Variants in CA10 observed in about 807,000 individuals in gnomAD.
CA10 encodes carbonic anhydrase 10 (inactive), also known as carbonic anhydrase-related protein 10.
A neutral mutation model predicts 44.2 loss-of-function variants in CA10; 14 were observed. That is an observed-to-expected ratio of 0.32 (90% CI 0.21 to 0.50). CA10 has a LOEUF of 0.50. Ranked by LOEUF, CA10 falls within the 20% of genes least tolerant of loss-of-function variation. CA10 has a pLI of 0.99. For missense variants in CA10, 350 were observed against 409.7 expected, an observed-to-expected ratio of 0.85 and a Z score of 1.26; for synonymous variants, 159 against 141.6, an observed-to-expected ratio of 1.12 and a Z score of -0.87.
At chr17:51,900,010 T>G (rs1981242483) in intron 3 of CA10, among the ~76,000 whole-genome samples, 1 of 151,978 alleles carries the variant, frequency 6.6e-6, no homozygotes, top group Non-Finnish European at 1.5e-5. Context: ...CTGTGCCTTT[T>G]AATTGGAACA....
At chr17:52,092,909 C>A (rs902136645) in intron 1 of CA10, among the ~76,000 whole-genome samples, 5 of 152,070 alleles carry the variant, frequency 3.3e-5, no homozygotes, top group African/African-American at 1.2e-4. Context: ...AATAATTTGT[C>A]TATGTAAGTC....
intron 2 of CA10, among the ~76,000 whole-genome samples, chr17:51,981,813 A>C (rs1425107642): frequency 6.6e-6 from 1 of 152,094 alleles, no homozygotes; most frequent in Non-Finnish European, 1.5e-5. Flanking sequence ...AGATTTTGAC[A>C]GTACTGAAAT....
chr17:51,718,459 G>A (rs1284915347), intron 4 of CA10, among the ~76,000 whole-genome samples: 1 of 152,136 alleles, frequency 6.6e-6, no homozygotes, highest in Non-Finnish European at 1.5e-5. Context: ...AGAGGTTCCT[G>A]GAAGGCAGTG....
At chr17:52,057,214 T>C (rs975592053) in intron 2 of CA10, among the ~76,000 whole-genome samples, 3 of 152,040 alleles carry the variant, frequency 2.0e-5, no homozygotes, top group African/African-American at 7.2e-5. Flanking sequence ...TATACACAGA[T>C]TATTTTCAAT....
intron 4 of CA10, among the ~76,000 whole-genome samples, chr17:51,693,483 C>T (rs533778152): frequency 6.6e-6 from 1 of 152,222 alleles, no homozygotes; most frequent in East Asian, 1.9e-4. Context: ...CAGCTTTTCA[C>T]CCCCTATCCA....
At chr17:51,763,624 CTCGATGAGGTGAT>C (rs1238561015) in intron 3 of CA10, among the ~76,000 whole-genome samples, 1 of 152,200 alleles carries the variant, frequency 6.6e-6, no homozygotes, top group Admixed American at 6.5e-5. Context: ...CAGATTTCCA[CTCGATGAGGTGAT>C]TTCATGGTGC....
chr17:52,086,951 G>C (rs930542476), intron 1 of CA10, among the ~76,000 whole-genome samples: 1 of 152,086 alleles, frequency 6.6e-6, no homozygotes. Context: ...CCCATATTTT[G>C]TCTTGTGTGT....
intron 2 of CA10, among the ~76,000 whole-genome samples, chr17:52,033,730 T>A (rs1055461418): frequency 1.2e-4 from 18 of 152,208 alleles, no homozygotes; most frequent in Non-Finnish European, 2.9e-5. Flanking sequence ...AACTGTTTAA[T>A]GTATACATTA....
intron 2 of CA10, among the ~76,000 whole-genome samples, chr17:52,031,491 C>T (rs72834295): frequency 6.6e-6 from 1 of 152,142 alleles, no homozygotes; most frequent in Admixed American, 6.5e-5. Context: ...AACACATTTA[C>T]TTAACTGCAC....
chr17:51,922,992 C>T (rs1346454223), intron 3 of CA10, among the ~76,000 whole-genome samples: 1 of 152,168 alleles, frequency 6.6e-6, no homozygotes. Context: ...AGGAATTTGT[C>T]TAACCACAAA....
At chr17:52,126,015 G>A (rs1156555197) in intron 1 of CA10, among the ~76,000 whole-genome samples, 1 of 152,040 alleles carries the variant, frequency 6.6e-6, no homozygotes, top group Non-Finnish European at 1.5e-5. Context: ...GGTGATGAAG[G>A]GAATAAGCAA....
intron 3 of CA10, among the ~76,000 whole-genome samples, chr17:51,874,580 G>A (rs994488105): frequency 3.2e-4 from 48 of 152,058 alleles, no homozygotes; most frequent in African/African-American, 1.1e-3. Context: ...AGAGCACCAG[G>A]TGACCTCATT....
At chr17:51,991,745 G>T (rs1027459053) in intron 2 of CA10, among the ~76,000 whole-genome samples, 1 of 152,132 alleles carries the variant, frequency 6.6e-6, no homozygotes, top group African/African-American at 2.4e-5. Context: ...GGAGGAGGAG[G>T]TTGGAGTGAG....
chr17:51,897,868 G>A (rs1208829665), intron 3 of CA10, among the ~76,000 whole-genome samples: 2 of 151,900 alleles, frequency 1.3e-5, no homozygotes, highest in Non-Finnish European at 1.5e-5. Flanking sequence ...TGTCAGCTTG[G>A]ATGTTATTGA....
intron 3 of CA10, among the ~76,000 whole-genome samples, chr17:51,857,547 A>G (rs1979103816): frequency 6.6e-6 from 1 of 152,208 alleles, no homozygotes; most frequent in African/African-American, 2.4e-5. Context: ...TGGTTCAGAT[A>G]ATGATGCTGG....
intron 4 of CA10, among the ~76,000 whole-genome samples, chr17:51,745,165 C>T (rs776390236): frequency 6.6e-6 from 1 of 152,116 alleles, no homozygotes; most frequent in Non-Finnish European, 1.5e-5. Context: ...TGCCTTCCCC[C>T]CTTTTTAGCA....
intron 3 of CA10, among the ~76,000 whole-genome samples, chr17:51,798,236 T>C (rs1331533800): frequency 1.3e-5 from 2 of 152,240 alleles, no homozygotes; most frequent in Admixed American, 6.5e-5. Flanking sequence ...TCCTTCCTTA[T>C]AGAAGCTCAG....
In CA10 at chr17:51,631,280, G is replaced by C. The variant is rs1415516065; in HGVS notation, c.*304C>G. 1 of 354,330 alleles carries C rather than the reference G, an allele frequency of 2.8e-6. No homozygotes were observed. Among genetic ancestry groups the C allele is most frequent in the Admixed American group, 4.5e-5 (1 of 22,418 alleles). 21.9% of individuals were successfully genotyped at this position (354,330 alleles called of 1,614,324 possible). ...TTCTTCTAAGACCTCTTATGAATGA[G>C]ACTTTTGTTTCTGAAACTTGACTTC... On this transcript the variant is annotated 3_prime_UTR_variant, in exon 9 of 9. Coordinates refer to ENST00000451037, the MANE Select transcript of CA10 (RefSeq NM_020178.5).
At chr17:51,955,933 G>A (rs203015) in intron 2 of CA10, among the ~76,000 whole-genome samples, 148,177 of 152,196 alleles carry the variant, frequency 0.97, 72,232 homozygotes, top group South Asian at 1. Context: ...ACCATGGCAC[G>A]TGTATACCTA....
Sources: allele counts gnomAD v4.1 joint callset (sites outside exome capture counted in the v4.1 genomes callset), GRCh38; gene constraint gnomAD v4.1.1; transcripts MANE v1.5; gene names NCBI Gene and HGNC (gene_info 2026-07-23, HGNC 2026-07-21).